USH2A: variants seen among roughly 807,000 people sequenced by gnomAD.
USH2A encodes the protein usherin, also known as Usher syndrome 2A (autosomal recessive, mild).
A neutral mutation model predicts 538.9 loss-of-function variants in USH2A; 443 were observed. The ratio of observed to expected loss-of-function variants is 0.82; its 90% CI spans 0.76 to 0.89. USH2A has a LOEUF of 0.89. USH2A is among the 40% of genes least tolerant of loss of function. The pLI is 0.00. For missense variants in USH2A, 6,633 were observed against 6,324.8 expected (o/e 1.05, Z -1.65); for synonymous variants, 2,413 against 2,273.5 (o/e 1.06, Z -1.75).
At chr1:216,327,151 G>T (rs1202242518) in intron 5 of USH2A, among the ~76,000 whole-genome samples, 4 of 152,088 alleles carry the variant, frequency 2.6e-5, no homozygotes, top group Non-Finnish European at 5.9e-5. Flanking sequence ...TAATAGATCA[G>T]TCTCTTGAGA....
At chr1:216,380,810 T>C (rs544296008) in intron 3 of USH2A, among the ~76,000 whole-genome samples, 1 of 152,264 alleles carries the variant, frequency 6.6e-6, no homozygotes, top group African/African-American at 2.4e-5. Context: ...TTAGAAAATA[T>C]ATGTAGCTTT....
chr1:216,184,606 A>T (rs2102649721), intron 20 of USH2A, among the ~76,000 whole-genome samples: 1 of 152,132 alleles, frequency 6.6e-6, no homozygotes, highest in South Asian at 2.1e-4. Flanking sequence ...AAACAAAAAC[A>T]GGCAACCTCA....
At chr1:215,973,288 A>T (rs1287961832) in intron 35 of USH2A, among the ~76,000 whole-genome samples, 1 of 152,162 alleles carries the variant, frequency 6.6e-6, no homozygotes, top group East Asian at 1.9e-4. Context: ...GGGAAATGAG[A>T]TATTTTATAG....
chr1:215,765,246 C>T (rs1279871346), intron 56 of USH2A, among the ~76,000 whole-genome samples: 1 of 152,068 alleles, frequency 6.6e-6, no homozygotes, highest in Non-Finnish European at 1.5e-5. Context: ...TGATAGTTTA[C>T]CTTTCCAAAA....
chr1:216,059,740 G>T (rs182692198), intron 30 of USH2A, among the ~76,000 whole-genome samples: 227 of 152,238 alleles, frequency 1.5e-3, no homozygotes, highest in Non-Finnish European at 2.4e-3. Context: ...TTGTAATTGA[G>T]AATTGGGTTT....
intron 43 of USH2A, among the ~76,000 whole-genome samples, chr1:215,876,571 A>T (rs1311782839): frequency 6.6e-6 from 1 of 152,118 alleles, no homozygotes; most frequent in Non-Finnish European, 1.5e-5. Flanking sequence ...CGAAGACCGC[A>T]CCCCTGCCTT....
intron 3 of USH2A, among the ~76,000 whole-genome samples, chr1:216,402,683 T>A (rs894684013): frequency 6.6e-6 from 1 of 152,178 alleles, no homozygotes; most frequent in Non-Finnish European, 1.5e-5. Context: ...AAAATATGTG[T>A]TAATGGACCA....
intron 11 of USH2A, among the ~76,000 whole-genome samples, chr1:216,265,557 T>C (rs975092142): frequency 1.3e-5 from 2 of 151,984 alleles, no homozygotes; most frequent in African/African-American, 4.8e-5. Flanking sequence ...CCCATGTTTA[T>C]TGCAGTACTA....
chr1:216,235,089 T>C lies in USH2A; in HGVS notation c.2810-2953A>G, dbSNP rs144896570. ...TAACTTCCTGCTTAAAGATTACCTC[T>C]TGCCTTACCTGAATGTGCCTAATTC... On this transcript the variant is annotated intron_variant, in intron 13 of 71. Transcript: ENST00000307340. 3.7e-3 allele frequency among the ~76,000 whole-genome samples: 559 copies of C among 152,322 alleles called. 4 individuals are homozygous for C. Among genetic ancestry groups the C allele is most frequent in the African/African-American group, 0.013 (538 of 41,582 alleles).
chr1:215,671,348 A>T (rs1428303037), intron 63 of USH2A, 55 bp from the exon 64 acceptor site: 1 of 1,571,594 alleles, frequency 6.4e-7, no homozygotes, highest in Non-Finnish European at 8.7e-7. Flanking sequence ...TTTTCATGGG[A>T]AGAATCTTTA....
intron 30 of USH2A, among the ~76,000 whole-genome samples, chr1:216,069,668 C>T (rs1030277201): frequency 1.3e-5 from 2 of 152,146 alleles, no homozygotes; most frequent in African/African-American, 4.8e-5. Flanking sequence ...AACTGGGGCT[C>T]TAAGACTCCT....
In USH2A at chr1:215,759,666, T is replaced by A; in HGVS notation, c.11225A>T (p.Asn3742Ile). 1 of 1,613,996 alleles carries A rather than the reference T, an allele frequency of 6.2e-7. No individual in the cohort carries two copies. The highest frequency in any genetic ancestry group is 8.5e-7 in the Non-Finnish European group (1 of 1,179,874). Residue 3742 changes from asparagine (N) to isoleucine (I), a missense_variant, in exon 57 of 72, where the codon AAT (asparagine) becomes ATT (isoleucine). By Grantham distance (149) the Asn-to-Ile change is moderately radical. Transcript: ENST00000307340. ...QNFTDKNLEP[N>I]SRYTYKLEVK... ...AAGTTTTCTTTTAGTTTACCTGCTATTGGGCTCCAGGTTTTTATCAGTGAA... is the reference window on the plus strand; with the variant it reads ...AAGTTTTCTTTTAGTTTACCTGCTAATGGGCTCCAGGTTTTTATCAGTGAA...
chr1:215,750,737 A>G (rs1660601065), intron 58 of USH2A, among the ~76,000 whole-genome samples: 1 of 152,180 alleles, frequency 6.6e-6, no homozygotes, highest in Non-Finnish European at 1.5e-5. Context: ...CACACCCATG[A>G]GGGTCAGCCC....
At chr1:216,303,243 C>T (rs1460157930) in intron 9 of USH2A, among the ~76,000 whole-genome samples, 2 of 151,830 alleles carry the variant, frequency 1.3e-5, no homozygotes, top group East Asian at 3.9e-4. Context: ...TTATTGCAAC[C>T]ATAATAATTT....
intron 11 of USH2A, among the ~76,000 whole-genome samples, chr1:216,253,151 C>CTT (rs55786784): frequency 7.2e-6 from 1 of 138,934 alleles, no homozygotes. Context: ...GTTATTTTTT[C>CTT]TTTTTTTTTT....
intron 20 of USH2A, among the ~76,000 whole-genome samples, chr1:216,184,047 C>T (rs923945683): frequency 6.6e-6 from 1 of 151,978 alleles, no homozygotes; most frequent in African/African-American, 2.4e-5. Context: ...TGCTAAGACA[C>T]ACCAACTGCT....
intron 34 of USH2A, 134 bp from the exon 35 acceptor site, chr1:215,993,301 CA>C: frequency 7.5e-7 from 1 of 1,339,840 alleles, no homozygotes; most frequent in Non-Finnish European, 1.0e-6. Context: ...AAAATAAATT[CA>C]TTTCAGTGTT....
chr1:215,631,227 AGTGT>A (rs145355299), intron 70 of USH2A, among the ~76,000 whole-genome samples: 1 of 148,456 alleles, frequency 6.7e-6, no homozygotes, highest in Non-Finnish European at 1.5e-5. Flanking sequence ...GAGGGGGAGA[AGTGT>A]GTGTGTGTGT....
intron 2 of USH2A, among the ~76,000 whole-genome samples, 153 bp downstream of exon 2, chr1:216,421,699 A>C (rs1477917524): frequency 6.6e-6 from 1 of 152,134 alleles, no homozygotes; most frequent in African/African-American, 2.4e-5. Context: ...GAAGAGAAAA[A>C]AATTTTAATT....
Sources: allele counts gnomAD v4.1 joint callset (sites outside exome capture counted in the v4.1 genomes callset), GRCh38; gene constraint gnomAD v4.1.1; transcripts MANE v1.5; gene names NCBI Gene and HGNC (gene_info 2026-07-23, HGNC 2026-07-21).